The following AK7 variants were observed in gnomAD, a reference collection of about 807,000 sequenced individuals.
The protein encoded by AK7 is adenylate kinase 7.
AK7 carries 78 observed loss-of-function variants against 96.6 expected under a neutral mutation model. The ratio of observed to expected loss-of-function variants is 0.81; its 90% CI spans 0.67 to 0.97. AK7 has a LOEUF of 0.97. AK7 is among the 50% of genes least tolerant of loss of function. AK7 has a pLI of 0.00. For synonymous variants in AK7, 302 were observed against 317.2 expected (o/e 0.95, Z 0.51); for missense variants, 855 against 887.9 (o/e 0.96, Z 0.47).
chr14:96,450,759 T>C (rs1033896682), intron 9 of AK7, among the ~76,000 whole-genome samples: 1 of 149,202 alleles, frequency 6.7e-6, no homozygotes, highest in Non-Finnish European at 1.5e-5. Context: ...TCAGAGGGAA[T>C]ATTTTTCTCT....
chr14:96,448,113 A>G, intron 8 of AK7, among the ~76,000 whole-genome samples: 1 of 148,188 alleles, frequency 6.7e-6, no homozygotes, highest in Non-Finnish European at 1.5e-5. Context: ...TGGGTGACAG[A>G]GTGAGACCCT....
intron 5 of AK7, among the ~76,000 whole-genome samples, chr14:96,427,750 C>T (rs940090228): frequency 2.6e-5 from 4 of 152,158 alleles, no homozygotes; most frequent in African/African-American, 9.7e-5. Flanking sequence ...GCCAATAACT[C>T]TTAGAGGTGC....
At chr14:96,432,680 ATTCTT>A (rs1892420378) in intron 5 of AK7, among the ~76,000 whole-genome samples, 1 of 152,022 alleles carries the variant, frequency 6.6e-6, no homozygotes, top group South Asian at 2.1e-4. Flanking sequence ...TGGGTTGAAA[ATTCTT>A]TTCTTTAAGA....
chr14:96,446,892 A>T (rs1272377648), intron 8 of AK7, among the ~76,000 whole-genome samples: 2 of 152,152 alleles, frequency 1.3e-5, no homozygotes, highest in Admixed American at 6.5e-5. Context: ...GTGAGCCAAG[A>T]TTGTGCCACT....
At chr14:96,397,002 C>T (rs1165895418) in intron 1 of AK7, among the ~76,000 whole-genome samples, 1 of 152,128 alleles carries the variant, frequency 6.6e-6, no homozygotes, top group African/African-American at 2.4e-5. Flanking sequence ...GAGGCTGAGG[C>T]CGGAGGATTG....
At chr14:96,411,545 A>ATTTTTTATTGAG (rs1891029833) in intron 4 of AK7, among the ~76,000 whole-genome samples, 1 of 152,178 alleles carries the variant, frequency 6.6e-6, no homozygotes, top group African/African-American at 2.4e-5. Context: ...GAAAAATTAT[A>ATTTTTTATTGAG]GAATTTATGG....
chr14:96,482,203 G>A (rs1895540805), intron 15 of AK7, among the ~76,000 whole-genome samples: 1 of 151,854 alleles, frequency 6.6e-6, no homozygotes, highest in Non-Finnish European at 1.5e-5. Context: ...TTCAAGATCA[G>A]CCTGGGCAAC....
chr14:96,479,151 A>G (rs1895365627), intron 15 of AK7, among the ~76,000 whole-genome samples: 6 of 151,270 alleles, frequency 4.0e-5, no homozygotes, highest in Admixed American at 3.3e-4. Context: ...ATCTCGGCTC[A>G]CTGCAAACTC....
intron 5 of AK7, among the ~76,000 whole-genome samples, chr14:96,425,402 A>C (rs931607022): frequency 6.6e-6 from 1 of 152,100 alleles, no homozygotes; most frequent in African/African-American, 2.4e-5. Flanking sequence ...AGGAGACCCT[A>C]ATAATTATAC....
intron 7 of AK7, among the ~76,000 whole-genome samples, chr14:96,445,995 G>A (rs1055625575): frequency 2.6e-5 from 4 of 152,226 alleles, no homozygotes; most frequent in African/African-American, 7.2e-5. Context: ...AGAAGCAAGC[G>A]CTCGGAAACC....
intron 6 of AK7, 97 bp downstream of exon 6, chr14:96,438,012 G>A (rs1892744378): frequency 9.7e-7 from 1 of 1,026,334 alleles, no homozygotes; most frequent in Non-Finnish European, 1.4e-6. Context: ...TGTGGTTAGT[G>A]CAGTAGAATA....
chr14:96,476,723 A>G (rs1895208810), intron 14 of AK7, among the ~76,000 whole-genome samples: 1 of 152,192 alleles, frequency 6.6e-6, no homozygotes, highest in Non-Finnish European at 1.5e-5. Context: ...TTTTTTTAAA[A>G]ATCATCTAGT....
At chr14:96,480,336 G>T (rs544881862) in intron 15 of AK7, among the ~76,000 whole-genome samples, 2 of 152,020 alleles carry the variant, frequency 1.3e-5, no homozygotes, top group African/African-American at 4.8e-5. Context: ...GGAGGCTGAG[G>T]CAGGAGAATC....
chr14:96,437,437 C>T lies in AK7; in HGVS notation c.610-398C>T, dbSNP rs979348488. ...CTTGTCCAGAGTGAAGTGGACAATCCATGTGAATTTCCATCCTTGTGTTAA... is the reference window on the plus strand; with the variant it reads ...CTTGTCCAGAGTGAAGTGGACAATCTATGTGAATTTCCATCCTTGTGTTAA... On this transcript the variant is annotated intron_variant, in intron 5 of 17. Coordinates refer to ENST00000267584, the MANE Select transcript of AK7 (RefSeq NM_152327.5). Among the ~76,000 whole-genome samples the T allele has an allele frequency of 2.6e-5, 4 of 152,048 alleles. No individual in the cohort carries two copies. In the East Asian group the frequency reaches 7.7e-4, roughly 29 times the overall value.
intron 16 of AK7, among the ~76,000 whole-genome samples, chr14:96,484,578 T>C (rs1225714609): frequency 3.3e-5 from 5 of 152,238 alleles, no homozygotes; most frequent in African/African-American, 1.2e-4. Context: ...AATGGTGGTC[T>C]TGGTCATCTG....
At chr14:96,395,023 C>A (rs1403419648) in intron 1 of AK7, among the ~76,000 whole-genome samples, 1 of 148,768 alleles carries the variant, frequency 6.7e-6, no homozygotes, top group Non-Finnish European at 1.5e-5. Context: ...CTGCACATAA[C>A]TCTTATTTAT....
chr14:96,392,401 C>A, intron 1 of AK7, 142 bp downstream of exon 1: 1 of 655,072 alleles, frequency 1.5e-6, no homozygotes, highest in South Asian at 1.9e-5. Context: ...TCCTGGGCAC[C>A]ACCAATGCCC....
intron 5 of AK7, among the ~76,000 whole-genome samples, chr14:96,423,219 G>A (rs1271686364): frequency 6.6e-6 from 1 of 152,190 alleles, no homozygotes; most frequent in Admixed American, 6.5e-5. Flanking sequence ...TGTTGGGGCT[G>A]AGCCTCATTG....
chr14:96,475,698 G>A (rs757852791), intron 14 of AK7, among the ~76,000 whole-genome samples: 2 of 152,196 alleles, frequency 1.3e-5, no homozygotes, highest in Non-Finnish European at 2.9e-5. Flanking sequence ...CAGACCAGGT[G>A]TGGTGGCTCA....
Sources: allele counts gnomAD v4.1 joint callset (sites outside exome capture counted in the v4.1 genomes callset), GRCh38; gene constraint gnomAD v4.1.1; transcripts MANE v1.5; gene names NCBI Gene and HGNC (gene_info 2026-07-23, HGNC 2026-07-21).